PCSK5: variants seen among roughly 807,000 people sequenced by gnomAD.
The protein encoded by PCSK5 is prohormone convertase 5.
PCSK5 carries 129 observed loss-of-function variants against 233.2 expected under a neutral mutation model. The ratio of observed to expected loss-of-function variants is 0.55; its 90% CI spans 0.48 to 0.64. PCSK5 has a LOEUF of 0.64. PCSK5 is among the 30% of genes least tolerant of loss of function. The pLI is 0.00. For synonymous variants in PCSK5, 825 were observed against 879.2 expected, an observed-to-expected ratio of 0.94 and a Z score of 1.09; for missense variants, 2,076 against 2,430.1, an observed-to-expected ratio of 0.85 and a Z score of 3.06.
chr9:76,335,988 T>C (rs1829667151), intron 34 of PCSK5, among the ~76,000 whole-genome samples: 1 of 152,148 alleles, frequency 6.6e-6, no homozygotes, highest in Non-Finnish European at 1.5e-5. Flanking sequence ...CTTCTGACTC[T>C]AATCCTGTGT....
At chr9:76,252,127 C>T (rs566415426) in intron 24 of PCSK5, among the ~76,000 whole-genome samples, 155 of 151,786 alleles carry the variant, frequency 1.0e-3, no homozygotes, top group Non-Finnish European at 1.6e-3. Context: ...CTTAGCCGGG[C>T]ATGGTGGCGG....
chr9:76,050,702 A>C (rs761350247), intron 5 of PCSK5, among the ~76,000 whole-genome samples: 8 of 152,200 alleles, frequency 5.3e-5, no homozygotes, highest in Non-Finnish European at 1.2e-4. Flanking sequence ...GATTATTTGC[A>C]TAAGTCTTGC....
chr9:75,928,601 A>ATG (rs1823616859), intron 1 of PCSK5, among the ~76,000 whole-genome samples: 1 of 79,884 alleles, frequency 1.3e-5, no homozygotes, highest in Admixed American at 1.2e-4. Context: ...AAATACATAT[A>ATG]TATATATATA....
intron 3 of PCSK5, among the ~76,000 whole-genome samples, chr9:75,991,512 C>T (rs1374814968): frequency 6.6e-6 from 1 of 152,158 alleles, no homozygotes; most frequent in Non-Finnish European, 1.5e-5. Context: ...GATCTTATAC[C>T]TTCCTCTTGC....
At chr9:76,089,025 C>T (rs1196296000) in intron 7 of PCSK5, among the ~76,000 whole-genome samples, 3 of 147,288 alleles carry the variant, frequency 2.0e-5, no homozygotes, top group Non-Finnish European at 4.5e-5. Context: ...AGATTTATTT[C>T]GGAAATGCTA....
Position 76,358,916 on chromosome 9 carries a change from C to A in PCSK5, c.5658C>A (p.Tyr1886Ter), listed in dbSNP as rs1020366055. The change falls in exon 38 of 38, where the codon TAC (tyrosine) becomes TAA (stop). Residue 1886 changes from tyrosine to a stop codon, truncating the protein, a stop_gained. Transcript: ENST00000674117. LOFTEE classifies it high-confidence loss of function. Reference sequence around the variant, plus strand: ...ATGATGACGAGAGTTACTCCTACTACCAGTAAACAGGCACTCCCCCACCAA... The same window carrying A: ...ATGATGACGAGAGTTACTCCTACTAACAGTAAACAGGCACTCCCCCACCAA... Reference protein sequence around the residue: ...LEYDDESYSYYQ With the variant: ...LEYDDESYSY 8 of 1,611,346 alleles carry A rather than the reference C, an allele frequency of 5.0e-6. No individual in the cohort carries two copies. In the African/African-American group the frequency reaches 5.3e-5, roughly 11 times the overall value.
chr9:76,164,473 C>T (rs1564073230), intron 12 of PCSK5, among the ~76,000 whole-genome samples: 1 of 152,182 alleles, frequency 6.6e-6, no homozygotes. Context: ...GCATAGTAAG[C>T]ACTTAATAAG....
At chr9:76,145,734 G>A (rs776547126) in intron 10 of PCSK5, among the ~76,000 whole-genome samples, 15 of 152,112 alleles carry the variant, frequency 9.9e-5, no homozygotes, top group Non-Finnish European at 1.8e-4. Flanking sequence ...ATCAATAAGA[G>A]GGCCCAAATA....
At chr9:75,954,755 G>A (rs1372216917) in intron 2 of PCSK5, among the ~76,000 whole-genome samples, 1 of 152,100 alleles carries the variant, frequency 6.6e-6, no homozygotes, top group African/African-American at 2.4e-5. Context: ...TGGGAGCATG[G>A]CCTGAAAATC....
chr9:76,014,020 C>A (rs1295511695), intron 3 of PCSK5, among the ~76,000 whole-genome samples: 2 of 151,266 alleles, frequency 1.3e-5, no homozygotes. Context: ...CCAAGCCACA[C>A]CACATTCTAC....
At chr9:76,145,419 C>T (rs1823405087) in intron 10 of PCSK5, among the ~76,000 whole-genome samples, 1 of 152,150 alleles carries the variant, frequency 6.6e-6, no homozygotes, top group African/African-American at 2.4e-5. Flanking sequence ...GGTGAAAAGG[C>T]TTCATTTGAA....
chr9:75,987,275 A>G (rs1826556792), intron 3 of PCSK5, among the ~76,000 whole-genome samples: 1 of 152,042 alleles, frequency 6.6e-6, no homozygotes, highest in Admixed American at 6.6e-5. Flanking sequence ...ACTGCTCTGG[A>G]AGGCCTTTCC....
intron 10 of PCSK5, among the ~76,000 whole-genome samples, chr9:76,151,790 T>C (rs193051078): frequency 2.0e-5 from 3 of 152,336 alleles, no homozygotes; most frequent in Admixed American, 1.3e-4. Flanking sequence ...ATACTTACAG[T>C]AATTATGCAG....
At chr9:75,922,772 C>T (rs1441973958) in intron 1 of PCSK5, among the ~76,000 whole-genome samples, 1 of 152,180 alleles carries the variant, frequency 6.6e-6, no homozygotes, top group Non-Finnish European at 1.5e-5. Context: ...TCTCATGTCC[C>T]TTGTGAATAG....
chr9:76,205,546 G>T (rs1825081639), intron 20 of PCSK5, among the ~76,000 whole-genome samples: 1 of 152,084 alleles, frequency 6.6e-6, no homozygotes, highest in African/African-American at 2.4e-5. Context: ...TGTATTCTCT[G>T]GGCTTCCATC....
chr9:76,007,796 T>TTGTGTGTGTGTGTGTGTGTG (rs59860078), intron 3 of PCSK5, among the ~76,000 whole-genome samples: 29 of 128,222 alleles, frequency 2.3e-4, no homozygotes, highest in Non-Finnish European at 4.0e-4. Flanking sequence ...CCGGCTAATT[T>TTGTGTGTGTGTGTGTGTGTG]TGTGTGTGTG....
intron 8 of PCSK5, among the ~76,000 whole-genome samples, chr9:76,106,791 T>C (rs550377298): frequency 8.5e-5 from 13 of 152,314 alleles, no homozygotes; most frequent in African/African-American, 3.1e-4. Context: ...AGGTAACAGT[T>C]CTAGGCTGCA....
At chr9:76,130,367 T>C (rs1272245539) in intron 9 of PCSK5, among the ~76,000 whole-genome samples, 1 of 152,194 alleles carries the variant, frequency 6.6e-6, no homozygotes, top group Non-Finnish European at 1.5e-5. Context: ...GCTTCACCTT[T>C]GTGGATCCGT....
chr9:76,203,193 G>T (rs1034142938), intron 20 of PCSK5, among the ~76,000 whole-genome samples: 1 of 151,928 alleles, frequency 6.6e-6, no homozygotes, highest in Non-Finnish European at 1.5e-5. Flanking sequence ...TTCCATCACT[G>T]GTCCTAAAAC....
Sources: allele counts gnomAD v4.1 joint callset (sites outside exome capture counted in the v4.1 genomes callset), GRCh38; gene constraint gnomAD v4.1.1; transcripts MANE v1.5; gene names NCBI Gene and HGNC (gene_info 2026-07-23, HGNC 2026-07-21).